Variants in TSHZ3 observed in about 807,000 individuals in gnomAD.
The protein encoded by TSHZ3 is teashirt zinc finger homeobox 3.
TSHZ3 carries 10 observed loss-of-function variants against 64.5 expected under a neutral mutation model. The ratio of observed to expected loss-of-function variants is 0.16; its 90% CI spans 0.10 to 0.26. The LOEUF (loss-of-function observed/expected upper bound fraction) is 0.26, where lower values mean the gene tolerates loss of function less well. Among genes scored for constraint, TSHZ3 ranks in the 10% least tolerant of loss-of-function variants. TSHZ3 has a pLI of 1.00. For synonymous variants in TSHZ3, 608 were observed against 593.1 expected, an observed-to-expected ratio of 1.03 and a Z score of -0.36; for missense variants, 1,242 against 1,421.7, an observed-to-expected ratio of 0.87 and a Z score of 2.03.
At chr19:31,274,285 T>C (rs888929712), downstream of TSHZ3, among the ~76,000 whole-genome samples, 4 of 152,180 alleles carry the variant, frequency 2.6e-5, no homozygotes, top group African/African-American at 9.7e-5. Flanking sequence ...TTACATGATG[T>C]TCCCAGCGTT....
intron 3 of TSHZ3, among the ~76,000 whole-genome samples, chr19:31,241,364 T>C (rs942161187): frequency 6.6e-6 from 1 of 152,242 alleles, no homozygotes; most frequent in Non-Finnish European, 1.5e-5. Flanking sequence ...CAATTTTCTG[T>C]TGTCTTGAAA....
At chr19:31,224,432 C>G (rs1490469540) in intron 4 of TSHZ3, among the ~76,000 whole-genome samples, 1 of 152,172 alleles carries the variant, frequency 6.6e-6, no homozygotes, top group African/African-American at 2.4e-5. Flanking sequence ...CAGCTCAATG[C>G]ATAATCACGT....
At chr19:31,288,963 C>T (rs1976514103) in intron 1 of TSHZ3, among the ~76,000 whole-genome samples, 1 of 152,216 alleles carries the variant, frequency 6.6e-6, no homozygotes, top group Admixed American at 6.5e-5. Flanking sequence ...ACTGACTTCA[C>T]ATCTGTGAGC....
intron 1 of TSHZ3, among the ~76,000 whole-genome samples, chr19:31,253,971 G>A (rs913580656): frequency 2.0e-5 from 3 of 152,172 alleles, no homozygotes; most frequent in African/African-American, 7.2e-5. Flanking sequence ...GGACAGCTGG[G>A]TGTGACTAAG....
At chr19:31,170,040 T>G (rs1039156210) in intron 5 of TSHZ3, among the ~76,000 whole-genome samples, 1 of 152,184 alleles carries the variant, frequency 6.6e-6, no homozygotes, top group Non-Finnish European at 1.5e-5. Flanking sequence ...AAATGTAGCA[T>G]GAATGTTTTG....
At chr19:31,236,514 T>A (rs1257998421) in intron 3 of TSHZ3, among the ~76,000 whole-genome samples, 3 of 152,216 alleles carry the variant, frequency 2.0e-5, no homozygotes, top group Non-Finnish European at 4.4e-5. Context: ...ATTGTTCGAG[T>A]TCTTTTAAAA....
chr19:31,217,859 G>A (rs1169445755), intron 4 of TSHZ3, among the ~76,000 whole-genome samples: 2 of 152,030 alleles, frequency 1.3e-5, no homozygotes, highest in African/African-American at 2.4e-5. Context: ...TCTTTTCACT[G>A]TCTTTACAAT....
At chr19:31,232,144 G>C (rs931505475) in intron 3 of TSHZ3, among the ~76,000 whole-genome samples, 1 of 152,124 alleles carries the variant, frequency 6.6e-6, no homozygotes, top group African/African-American at 2.4e-5. Context: ...GGGAGCGTCT[G>C]TAAGATGCCA....
At chr19:31,260,807 G>A (rs988922162) in intron 1 of TSHZ3, among the ~76,000 whole-genome samples, 2 of 152,186 alleles carry the variant, frequency 1.3e-5, no homozygotes, top group African/African-American at 4.8e-5. Context: ...AAGTACCAGG[G>A]AAAAGGAGAG....
downstream of TSHZ3, among the ~76,000 whole-genome samples, chr19:31,272,079 T>A (rs188894148): frequency 6.0e-3 from 908 of 152,248 alleles, 11 homozygotes; most frequent in African/African-American, 0.021. Context: ...TTAAAAAAAT[T>A]TTTTTTATTA....
rs1251966083 is a variant in TSHZ3 at position 31,279,926 on chromosome 19, A to G, written c.41-174T>C. ...TGGGTACATGTATTTGTAAAATTAA[A>G]CAGTTAAAATGTGGTGTTTCTTTGG... On this transcript the variant is annotated intron_variant, in intron 1 of 1. Transcript: ENST00000240587. The surrounding 1 kb of genome is among the most constrained non-coding windows in gnomAD (Gnocchi z 6.4). 6.6e-6 allele frequency among the ~76,000 whole-genome samples: 1 copy of G among 150,610 alleles called. No individual in the cohort carries two copies. The highest frequency in any genetic ancestry group is 1.5e-5 in the Non-Finnish European group (1 of 67,858).
At chr19:31,183,894 A>G (rs561681279) in intron 5 of TSHZ3, among the ~76,000 whole-genome samples, 1 of 152,322 alleles carries the variant, frequency 6.6e-6, no homozygotes, top group Admixed American at 6.5e-5. Flanking sequence ...TTTGAGCACT[A>G]AAGTAATACC....
At chr19:31,159,826 G>A (rs572555609) in intron 5 of TSHZ3, among the ~76,000 whole-genome samples, 1 of 152,090 alleles carries the variant, frequency 6.6e-6, no homozygotes, top group South Asian at 2.1e-4. Flanking sequence ...CCAAGTAACT[G>A]AGACTATAGC....
In TSHZ3 at chr19:31,239,479, A is replaced by G. The variant is rs116109970; in HGVS notation, n.550+2790T>C. On this transcript the variant is annotated intron_variant and non_coding_transcript_variant, in intron 3 of 6. Coordinates refer to the TSHZ3 transcript ENST00000651361. ...AAGAATCCTAGTAATAAACTTCCTA[A>G]CTTTCTTTGTCTGAAATTATCTTGA... is the stretch of plus-strand genomic sequence containing the variant. Among the ~76,000 whole-genome samples, 917 of 152,126 alleles carry G rather than the reference A, an allele frequency of 6.0e-3. 12 individuals carry two copies. Among genetic ancestry groups the G allele is most frequent in the African/African-American group, 0.021 (876 of 41,484 alleles).
intron 1 of TSHZ3, among the ~76,000 whole-genome samples, chr19:31,313,267 G>A (rs1002907615): frequency 3.3e-5 from 5 of 152,184 alleles, no homozygotes; most frequent in East Asian, 1.9e-4. Context: ...ACCTCTGAAT[G>A]TCCAGTTGGA....
At chr19:31,223,401 T>A (rs1266303346) in intron 4 of TSHZ3, among the ~76,000 whole-genome samples, 6 of 139,650 alleles carry the variant, frequency 4.3e-5, no homozygotes, top group African/African-American at 1.1e-4. Flanking sequence ...TGTGTGTGTG[T>A]GACAGAGAGA....
chr19:31,213,249 C>T (rs1246976211), intron 4 of TSHZ3, among the ~76,000 whole-genome samples: 2 of 148,082 alleles, frequency 1.4e-5, no homozygotes, highest in African/African-American at 5.0e-5. Context: ...CCCAGCTACT[C>T]AGGAGGCTGA....
chr19:31,215,229 A>G (rs546451026), intron 4 of TSHZ3, among the ~76,000 whole-genome samples: 2 of 152,286 alleles, frequency 1.3e-5, no homozygotes, highest in Non-Finnish European at 2.9e-5. Context: ...AAATTTACTC[A>G]AAAAGGAAAA....
At chr19:31,252,044 C>T (rs1302360377) in intron 1 of TSHZ3, among the ~76,000 whole-genome samples, 1 of 152,200 alleles carries the variant, frequency 6.6e-6, no homozygotes, top group East Asian at 1.9e-4. Flanking sequence ...TGCTGGGGTG[C>T]TGCGTAACCT....
Sources: gnomAD v4.1 joint callset for allele counts (sites outside exome capture counted in the v4.1 genomes callset) on GRCh38, gnomAD v4.1.1 for gene constraint, Gnocchi (gnomAD v3.1) non-coding constraint, MANE v1.5 for transcripts, NCBI Gene and HGNC (gene_info 2026-07-23, HGNC 2026-07-21) for gene names.